Variants in ABL2 observed in about 807,000 individuals in gnomAD.
ABL2 encodes ABL proto-oncogene 2, non-receptor tyrosine kinase, also known as tyrosine-protein kinase ABL2.
A neutral mutation model predicts 107.7 loss-of-function variants in ABL2; 49 were observed. That is an observed-to-expected ratio of 0.45 (90% CI 0.36 to 0.58). The LOEUF is 0.58. ABL2 is among the 20% of genes least tolerant of loss of function. The pLI, the probability that ABL2 is intolerant of heterozygous loss-of-function variation, is 0.00. For missense variants in ABL2, 1,245 were observed against 1,457.0 expected, an observed-to-expected ratio of 0.85 and a Z score of 2.37; for synonymous variants, 549 against 548.6, an observed-to-expected ratio of 1.00 and a Z score of -0.01.
chr1:179,216,631 C>T (rs1662575779), intron 1 of ABL2, among the ~76,000 whole-genome samples: 1 of 151,878 alleles, frequency 6.6e-6, no homozygotes, highest in Admixed American at 6.6e-5. Context: ...TTTAAAAATT[C>T]TCCTGCCATT....
chr1:179,115,748 T>C (rs1321608551), intron 8 of ABL2, among the ~76,000 whole-genome samples: 1 of 152,192 alleles, frequency 6.6e-6, no homozygotes, highest in Non-Finnish European at 1.5e-5. Context: ...CATAACAGTT[T>C]TAAAGTCAGC....
chr1:179,165,300 C>A (rs565122126), intron 1 of ABL2, among the ~76,000 whole-genome samples: 1 of 152,266 alleles, frequency 6.6e-6, no homozygotes, highest in South Asian at 2.1e-4. Flanking sequence ...CCATGTACCA[C>A]CTCCAGTTTA....
rs1312117075 is a variant in ABL2 at position 179,196,931 on chromosome 1, T to C, written c.157+32310A>G. On this transcript the variant is annotated intron_variant, in intron 1 of 11. Transcript: ENST00000502732. Reference sequence around the variant, plus strand: ...CCTGCAGAAATAAAAGACATAATAATTGAAATTAGTTCAATGGATGAATCA... The same window carrying C: ...CCTGCAGAAATAAAAGACATAATAACTGAAATTAGTTCAATGGATGAATCA... Among the ~76,000 whole-genome samples, 4 of 152,270 alleles carry C rather than the reference T, an allele frequency of 2.6e-5. No homozygotes were observed. The East Asian group carries it at 7.7e-4, about 29-fold the overall frequency.
chr1:179,180,937 A>G (rs1488492914), intron 1 of ABL2, among the ~76,000 whole-genome samples: 1 of 152,206 alleles, frequency 6.6e-6, no homozygotes, highest in Non-Finnish European at 1.5e-5. Context: ...AAGCGTGATA[A>G]TTATTTCATT....
rs1300566840 is a variant in ABL2, at chr1:179,105,136, T to C, written c.*2582A>G. On this transcript the variant is annotated 3_prime_UTR_variant, in exon 12 of 12. Coordinates refer to ENST00000502732, the MANE Select transcript of ABL2 (RefSeq NM_007314.4). ...TTGACAAAAATCAATTCCATTTATA[T>C]ATCGTGCACCCACTGTAGGCAAGAC... 3 of 229,822 alleles carry C rather than the reference T, an allele frequency of 1.3e-5. No individual in the cohort carries two copies. The highest frequency in any genetic ancestry group is 2.6e-5 in the Non-Finnish European group (3 of 115,934). 14.2% of individuals were successfully genotyped at this position (229,822 alleles called of 1,614,324 possible).
chr1:179,205,029 C>CT (rs752957278), intron 1 of ABL2, among the ~76,000 whole-genome samples: 54,181 of 138,088 alleles, frequency 0.39, 10,861 homozygotes, highest in East Asian at 0.48. Flanking sequence ...AACTCTTTTT[C>CT]TTTTTTTTTT....
chr1:179,208,873 T>C (rs1662119158), intron 1 of ABL2, among the ~76,000 whole-genome samples: 2 of 152,242 alleles, frequency 1.3e-5, no homozygotes, highest in Admixed American at 6.5e-5. Flanking sequence ...GTTTTCATCA[T>C]TTATCAGCTA....
chr1:179,122,611 T>C (rs1655333359), intron 4 of ABL2, among the ~76,000 whole-genome samples: 1 of 151,916 alleles, frequency 6.6e-6, no homozygotes, highest in African/African-American at 2.4e-5. Flanking sequence ...TTCAAATATA[T>C]ATATACTCAA....
chr1:179,224,754 G>A (rs549923693), intron 1 of ABL2, among the ~76,000 whole-genome samples: 2 of 149,110 alleles, frequency 1.3e-5, no homozygotes, highest in East Asian at 2.1e-4. Context: ...AGTGGCTCAC[G>A]CCTATAATCC....
At chr1:179,165,623 G>A (rs965131697) in intron 1 of ABL2, among the ~76,000 whole-genome samples, 3 of 152,066 alleles carry the variant, frequency 2.0e-5, no homozygotes, top group African/African-American at 7.2e-5. Flanking sequence ...TAACATAACA[G>A]TAACAATTTA....
rs908359524 is a variant in ABL2, at chr1:179,107,316, T to G, written c.*402A>C. 4.2e-6 allele frequency: 1 copy of G among 238,460 alleles called. No individual in the cohort carries two copies. Among genetic ancestry groups the G allele is most frequent in the African/African-American group, 2.2e-5 (1 of 45,376 alleles). 14.8% of individuals were successfully genotyped at this position (238,460 alleles called of 1,614,324 possible). Reference sequence around the variant, plus strand: ...GTCCCACCAAATTCATTAGGTAAATTGGAGCATAATCACCATTAGTACCTA... The same window carrying G: ...GTCCCACCAAATTCATTAGGTAAATGGGAGCATAATCACCATTAGTACCTA... On this transcript the variant is annotated 3_prime_UTR_variant, in exon 12 of 12. Transcript: ENST00000502732.
intron 1 of ABL2, among the ~76,000 whole-genome samples, chr1:179,212,105 A>C (rs939977904): frequency 6.6e-6 from 1 of 152,202 alleles, no homozygotes; most frequent in African/African-American, 2.4e-5. Context: ...AGCAGGAGAG[A>C]GAACAGCCAA....
At chr1:179,109,504 A>G (rs1361021280) in intron 11 of ABL2, 63 bp from the exon 12 acceptor site, 10 of 1,533,414 alleles carry the variant, frequency 6.5e-6, no homozygotes, top group South Asian at 1.3e-5. Flanking sequence ...CATTTGAGTT[A>G]CCGAGGCTGC....
intron 3 of ABL2, among the ~76,000 whole-genome samples, chr1:179,129,163 A>G (rs1448126051): frequency 6.6e-6 from 1 of 152,200 alleles, no homozygotes; most frequent in Non-Finnish European, 1.5e-5. Context: ...GTGGATTTTA[A>G]GAGAAACCAC....
chr1:179,118,170 A>G (rs1252104225), intron 7 of ABL2, among the ~76,000 whole-genome samples: 2 of 151,180 alleles, frequency 1.3e-5, no homozygotes, highest in African/African-American at 4.9e-5. Flanking sequence ...AAAAAAAAAA[A>G]GCCACTAGAT....
chr1:179,167,766 G>A (rs535158347), intron 1 of ABL2, among the ~76,000 whole-genome samples: 1 of 152,336 alleles, frequency 6.6e-6, no homozygotes, highest in East Asian at 1.9e-4. Flanking sequence ...GATCACTTGA[G>A]GCCAAGAGTT....
intron 1 of ABL2, among the ~76,000 whole-genome samples, chr1:179,216,756 G>A (rs1662585358): frequency 6.6e-6 from 1 of 151,532 alleles, no homozygotes; most frequent in African/African-American, 2.4e-5. Flanking sequence ...GCGTGATCTG[G>A]GCCTGCAACC....
Position 179,109,303 on chromosome 1 carries a change from G to T in ABL2, c.1964C>A (p.Ser655Tyr). Residue 655 changes from serine to tyrosine, a missense_variant, in exon 12 of 12, where the codon TCC becomes TAC. Around this residue, in one of 3 missense-constraint regions of ABL2, gnomAD observed 761 missense variants for 766.4 expected, o/e 0.99. Coordinates refer to ENST00000502732, the MANE Select transcript of ABL2 (RefSeq NM_007314.4). ...TRDRKGGFFSSFMKKRNAPTP... is the reference protein window; with the variant it reads ...TRDRKGGFFSYFMKKRNAPTP... The stretch of plus-strand genomic sequence containing the variant: ...AGGAGCATTTCTCTTCTTCATGAAG[G>T]AGCTGAAGAAGCCCCCCTTCCTATC... The T allele has an allele frequency of 6.2e-7, 1 of 1,614,076 alleles. No individual in the cohort carries two copies. Among genetic ancestry groups the T allele is most frequent in the Non-Finnish European group, 8.5e-7 (1 of 1,180,006 alleles).
In ABL2 at chr1:179,121,735, C is replaced by T. The variant is rs1188278977; in HGVS notation, c.820G>A (p.Val274Met). 2 of 1,613,940 alleles carry T rather than the reference C, an allele frequency of 1.2e-6. No homozygotes were observed. Among genetic ancestry groups the T allele is most frequent in the African/African-American group, 2.7e-5 (2 of 74,868 alleles). Reference sequence around the variant, plus strand: ...TCCCATTTGTCGTGGATGGGGGACACACCATAGACTGTAGGCTTATTACAC... The same window carrying T: ...TCCCATTTGTCGTGGATGGGGGACATACCATAGACTGTAGGCTTATTACAC... ...PKCNKPTVYG[V>M]SPIHDKWEME... is the part of the protein sequence containing the mutation. The change falls in exon 5 of 12, where the codon GTG becomes ATG. Residue 274 changes from valine (V) to methionine (M), a missense_variant. Coordinates refer to ENST00000502732, the MANE Select transcript of ABL2 (RefSeq NM_007314.4).
Sources: allele counts gnomAD v4.1 joint callset (sites outside exome capture counted in the v4.1 genomes callset), GRCh38; gene constraint gnomAD v4.1.1; regional missense constraint gnomAD v4.1.1; transcripts MANE v1.5; gene names NCBI Gene and HGNC (gene_info 2026-07-23, HGNC 2026-07-21).